Variants in PCDHA3 observed in about 807,000 individuals in gnomAD.
The protein encoded by PCDHA3 is protocadherin alpha-3.
In PCDHA3, 41 loss-of-function variants were observed where a neutral mutation model predicts 62.2. The ratio of observed to expected loss-of-function variants is 0.66; its 90% CI spans 0.51 to 0.86. The LOEUF is 0.86. PCDHA3 is among the 40% of genes least tolerant of loss of function. PCDHA3 has a pLI of 0.00. For missense variants in PCDHA3, 1,304 were observed against 1,241.2 expected, an observed-to-expected ratio of 1.05 and a Z score of -0.76; for synonymous variants, 640 against 555.4, an observed-to-expected ratio of 1.15 and a Z score of -2.14.
At chr5:140,808,788 A>G in intron 1 of PCDHA3, 1 of 1,612,558 alleles carries the variant, frequency 6.2e-7, no homozygotes. Flanking sequence ...CTGCAGTTTC[A>G]GGTGACCGCT....
chr5:140,876,802 G>C, intron 1 of PCDHA3: 2 of 1,614,248 alleles, frequency 1.2e-6, no homozygotes. Context: ...AGTGTCCGTG[G>C]AGGTGGCCGA....
chr5:140,850,193 G>C (rs2150472370), intron 1 of PCDHA3: 2 of 1,593,662 alleles, frequency 1.3e-6, no homozygotes. Flanking sequence ...CGGCGCTGCT[G>C]ACACCTCGGA....
chr5:140,884,518 C>G, intron 1 of PCDHA3: 2 of 1,614,054 alleles, frequency 1.2e-6, no homozygotes, highest in Non-Finnish European at 1.7e-6. Context: ...GTTGGTCGTA[C>G]TCGCAGCAGA....
At chr5:140,828,859 C>A in intron 1 of PCDHA3, 3 of 1,614,200 alleles carry the variant, frequency 1.9e-6, no homozygotes, top group East Asian at 4.5e-5. Context: ...AAAATGCAGA[C>A]AACGGAACAA....
At chr5:140,828,123 A>T in intron 1 of PCDHA3, 2 of 1,613,042 alleles carry the variant, frequency 1.2e-6, no homozygotes. Flanking sequence ...AGATTGGGAA[A>T]GCAATGTCTG....
At chr5:140,952,476 G>A (rs1231361903) in intron 1 of PCDHA3, among the ~76,000 whole-genome samples, 1 of 152,148 alleles carries the variant, frequency 6.6e-6, no homozygotes, top group East Asian at 1.9e-4. Context: ...TAAGGAAAGT[G>A]ACATTTGCTC....
At chr5:140,888,503 T>C (rs1582952197) in intron 1 of PCDHA3, among the ~76,000 whole-genome samples, 1 of 152,132 alleles carries the variant, frequency 6.6e-6, no homozygotes, top group East Asian at 1.9e-4. Context: ...CTTTAAAGAG[T>C]CTTGGACTTA....
chr5:140,838,779 A>C lies in PCDHA3; in HGVS notation c.2394+35188A>C, dbSNP rs1039097840. Among the ~76,000 whole-genome samples the C allele has an allele frequency of 1.8e-4, 28 of 152,056 alleles. 1 individual carries two copies. The highest frequency in any genetic ancestry group is 1.5e-3 in the Admixed American group (23 of 15,270). ...TTGTAGAGACTTTGTAAAATTAGCT[A>C]TGCATGGTGATGCATGTCTGTAGTT... is the stretch of plus-strand genomic sequence containing the variant. On this transcript the variant is annotated intron_variant, in intron 1 of 3. Coordinates refer to ENST00000522353, the MANE Select transcript of PCDHA3 (RefSeq NM_018906.3).
chr5:140,875,858 A>T, intron 1 of PCDHA3: 1 of 1,613,908 alleles, frequency 6.2e-7, no homozygotes, highest in Non-Finnish European at 8.5e-7. Flanking sequence ...ATTAACGACA[A>T]CCCGCCGGTG....
chr5:140,813,095 G>A (rs1036186093), intron 1 of PCDHA3: 1 of 152,168 alleles, frequency 6.6e-6, no homozygotes, highest in African/African-American at 2.4e-5. Flanking sequence ...GAGTGTGCTT[G>A]AGAAGACTGT....
At chr5:140,875,600 C>A (rs2055640130) in intron 1 of PCDHA3, 5 of 1,613,766 alleles carry the variant, frequency 3.1e-6, no homozygotes, top group African/African-American at 1.3e-5. Flanking sequence ...AAACACGGCA[C>A]CTTCGTGGGC....
At chr5:140,848,899 C>T (rs1223339539) in intron 1 of PCDHA3, 1 of 1,605,974 alleles carries the variant, frequency 6.2e-7, no homozygotes, top group Admixed American at 1.7e-5. Context: ...GTGTTCCCAG[C>T]GACACAAAAG....
At chr5:140,966,246 G>A (rs184430396) in intron 1 of PCDHA3, 1 of 319,412 alleles carries the variant, frequency 3.1e-6, no homozygotes, top group East Asian at 5.0e-5. Flanking sequence ...TTAAGCAGGG[G>A]AGAGACGGTG....
In PCDHA3 at chr5:141,011,771, G is replaced by A. The variant is rs1327507093; in HGVS notation, c.*1834G>A. On this transcript the variant is annotated 3_prime_UTR_variant, in exon 4 of 4. Transcript: ENST00000522353. ...TCTGACCTCTTTGAAGTTGCAGAATGCTTTGAAATTCTAATGGTATCTGAA... is the reference window on the plus strand; with the variant it reads ...TCTGACCTCTTTGAAGTTGCAGAATACTTTGAAATTCTAATGGTATCTGAA... The A allele has an allele frequency of 1.3e-5, 2 of 153,698 alleles. No individual in the cohort carries two copies. The highest frequency in any genetic ancestry group is 4.8e-5 in the African/African-American group (2 of 41,424). The allele number at this position is 153,698 out of a possible 1,614,324, so 9.5% of individuals were successfully genotyped here.
At chr5:140,987,334 C>A (rs925665306) in intron 3 of PCDHA3, among the ~76,000 whole-genome samples, 1 of 152,086 alleles carries the variant, frequency 6.6e-6, no homozygotes, top group East Asian at 1.9e-4. Flanking sequence ...AAGAACTGGT[C>A]TAAGGTAAAT....
At chr5:140,828,147 T>C (rs1554131033) in intron 1 of PCDHA3, 4 of 1,614,128 alleles carry the variant, frequency 2.5e-6, no homozygotes, top group African/African-American at 1.3e-5. Context: ...CTCCCGCTTC[T>C]GCTCCTCGCA....
At chr5:140,824,211 A>C (rs1238500451) in intron 1 of PCDHA3, 1 of 1,581,562 alleles carries the variant, frequency 6.3e-7, no homozygotes, top group East Asian at 2.2e-5. Context: ...TTTTGTATTT[A>C]AAAATTATGT....
Position 140,969,340 on chromosome 5 carries a change from G to A in PCDHA3, c.2395-9609G>A, listed in dbSNP as rs1262555926. 6 of 1,613,738 alleles carry A rather than the reference G, an allele frequency of 3.7e-6. No homozygotes were observed. The African/African-American group carries it at 5.3e-5, about 14-fold the overall frequency. On this transcript the variant is annotated intron_variant, in intron 1 of 3. Coordinates refer to ENST00000522353, the MANE Select transcript of PCDHA3 (RefSeq NM_018906.3). The stretch of plus-strand genomic sequence containing the variant: ...CTGTTTCTCAAAATGAGGTGAGACA[G>A]TGGTCAGGGGGTCTTCTACAAACTC...
chr5:141,001,693 G>A (rs1554258280), intron 3 of PCDHA3, among the ~76,000 whole-genome samples: 1 of 152,122 alleles, frequency 6.6e-6, no homozygotes, highest in Admixed American at 6.5e-5. Context: ...CCCACAGATG[G>A]CGAAATAGGG....
Sources: gnomAD v4.1 joint callset for allele counts (sites outside exome capture counted in the v4.1 genomes callset) on GRCh38, gnomAD v4.1.1 for gene constraint, MANE v1.5 for transcripts, NCBI Gene and HGNC (gene_info 2026-07-23, HGNC 2026-07-21) for gene names.